CENPM: variants seen among roughly 807,000 people sequenced by gnomAD.
CENPM encodes the protein centromere protein M, also known as interphase centromere complex protein 39.
CENPM carries 14 observed loss-of-function variants against 19.6 expected under a neutral mutation model. The ratio of observed to expected loss-of-function variants is 0.71; its 90% CI spans 0.47 to 1.11. CENPM has a LOEUF of 1.11. Ranked by LOEUF, CENPM falls within the 50% of genes most tolerant of loss-of-function variation. The pLI, the probability that CENPM is intolerant of heterozygous loss-of-function variation, is 0.00. For missense variants in CENPM, 239 were observed against 228.4 expected (o/e 1.05, Z -0.30); for synonymous variants, 114 against 101.5 (o/e 1.12, Z -0.74).
At chr22:41,946,362 G>T in intron 2 of CENPM, 55 bp downstream of exon 2, 1 of 1,470,520 alleles carries the variant, frequency 6.8e-7, no homozygotes, top group East Asian at 2.3e-5. Flanking sequence ...AGCTAGGACC[G>T]AATCCCTCTG....
downstream of CENPM, among the ~76,000 whole-genome samples, chr22:41,933,797 C>T (rs1260386472): frequency 1.3e-5 from 2 of 152,198 alleles, no homozygotes; most frequent in Admixed American, 6.5e-5. Flanking sequence ...CCTTTGTGCT[C>T]GAGCCCTGCC....
chr22:41,931,502 A>AT, the CENPM span, among the ~76,000 whole-genome samples: 10 of 152,136 alleles, frequency 6.6e-5, no homozygotes, highest in East Asian at 1.9e-3. Flanking sequence ...AATAATAATA[A>AT]AATAACAAGA....
In CENPM at chr22:41,939,201, G is replaced by A. The variant is rs376708928; in HGVS notation, c.403-5C>T. On this transcript the variant is annotated splice_region_variant and splice_polypyrimidine_tract_variant and intron_variant, in intron 5 of 5. Coordinates refer to ENST00000215980, the MANE Select transcript of CENPM (RefSeq NM_024053.5). Reference sequence around the variant, plus strand: ...GGTGGCCCTAAAGCCTTCCACCTGCGGGGAGAGCAGAGAACAGCAGTGAGA... The same window carrying A: ...GGTGGCCCTAAAGCCTTCCACCTGCAGGGAGAGCAGAGAACAGCAGTGAGA... 472 of 1,607,778 alleles carry A rather than the reference G, an allele frequency of 2.9e-4. No individual in the cohort carries two copies. The highest frequency in any genetic ancestry group is 3.6e-4 in the Non-Finnish European group (429 of 1,177,704).
At chr22:41,940,749 A>C (rs968087947) in intron 5 of CENPM, among the ~76,000 whole-genome samples, 1 of 152,168 alleles carries the variant, frequency 6.6e-6, no homozygotes, top group Non-Finnish European at 1.5e-5. Flanking sequence ...TCGGTACCAC[A>C]GAAACTCAGG....
the CENPM span, among the ~76,000 whole-genome samples, chr22:41,932,945 CAG>C: frequency 6.6e-6 from 1 of 152,312 alleles, no homozygotes; most frequent in East Asian, 1.9e-4. This position sits in a 1 kb window ranked among gnomAD's most constrained non-coding sequence, Gnocchi z 4.3. Flanking sequence ...AGCAGGGAAG[CAG>C]AGAGGAAACC....
Position 41,938,764 on chromosome 22 carries a change from AC to A in CENPM, c.*291del. ...ATTTTTAAACTTTTTTTAGCCACAG[AC>A]CTTTTGTTCAAAGGAAACCTTAAAT... On this transcript the variant is annotated 3_prime_UTR_variant, in exon 6 of 6. Coordinates refer to ENST00000215980, the MANE Select transcript of CENPM (RefSeq NM_024053.5). 2.8e-6 allele frequency: 1 copy of A among 354,954 alleles called. No homozygotes were observed. Among genetic ancestry groups the A allele is most frequent in the Non-Finnish European group, 5.1e-6 (1 of 195,806 alleles). 22.0% of individuals were successfully genotyped at this position (354,954 alleles called of 1,614,324 possible). A position where few individuals can be genotyped will look rare whatever the true frequency, so the allele number is the denominator to read the frequency against.
At chr22:41,946,107 C>T (rs2077798264) in intron 2 of CENPM, 102 bp from the exon 3 acceptor site, 1 of 1,036,718 alleles carries the variant, frequency 9.6e-7, no homozygotes, top group African/African-American at 1.6e-5. Context: ...AAGGGCTCCC[C>T]ACCTCATCCT....
In CENPM at chr22:41,938,986, T is replaced by A. The variant is rs778552332; in HGVS notation, c.*70A>T. 6.4e-7 allele frequency: 1 copy of A among 1,571,960 alleles called. No individual in the cohort carries two copies. Among genetic ancestry groups the A allele is most frequent in the Non-Finnish European group, 8.7e-7 (1 of 1,155,086 alleles). On this transcript the variant is annotated 3_prime_UTR_variant, in exon 6 of 6. Transcript: ENST00000215980. ...GGGCCTGTCAAGCCCTGACTGGACA[T>A]CCTCAACAGAGAATGTTTATGGAGT... is the stretch of plus-strand genomic sequence containing the variant.
At chr22:41,929,890 G>A in the CENPM span, among the ~76,000 whole-genome samples, 1 of 151,684 alleles carries the variant, frequency 6.6e-6, no homozygotes, top group East Asian at 1.9e-4. Flanking sequence ...AGACCAATGT[G>A]GGGAATGTTA....
chr22:41,934,915 T>G (rs540141295), downstream of CENPM, among the ~76,000 whole-genome samples: 1 of 152,350 alleles, frequency 6.6e-6, no homozygotes, highest in East Asian at 1.9e-4. Context: ...TCAGCCAAAC[T>G]GTCTCCTGGA....
downstream of CENPM, among the ~76,000 whole-genome samples, chr22:41,934,346 A>G (rs1364795398): frequency 6.6e-6 from 1 of 152,210 alleles, no homozygotes; most frequent in African/African-American, 2.4e-5. Context: ...TGAGGGGGAC[A>G]AATGAGTGTG....
chr22:41,946,962 G>A, intron 1 of CENPM, 58 bp downstream of exon 1: 2 of 1,564,672 alleles, frequency 1.3e-6, no homozygotes, highest in Non-Finnish European at 1.8e-6. Context: ...TGACCTAGTG[G>A]CTGAAGCACC....
At chr22:41,937,237 T>G (rs2077687701), downstream of CENPM, among the ~76,000 whole-genome samples, 1 of 152,244 alleles carries the variant, frequency 6.6e-6, no homozygotes, top group Non-Finnish European at 1.5e-5. Context: ...CTTTTCTCAC[T>G]TCTTGCAAAC....
rs1208792148 is a variant in CENPM, at chr22:41,947,046, G to A, written c.31C>T (p.Pro11Ser). The A allele has an allele frequency of 1.2e-6, 2 of 1,612,956 alleles. No homozygotes were observed. The highest frequency in any genetic ancestry group is 1.7e-5 in the Admixed American group (1 of 60,028). ...AAGATGGTGGCCGTGTTCAGGCCGG[G>A]CAGCTTGTCCAGGGGCCTCAACACC... MSVLRPLDKL[P>S]GLNTATILLV... is the part of the protein sequence containing the mutation. Residue 11 changes from proline (P) to serine (S), a missense_variant, in exon 1 of 6, where the codon CCC (proline) becomes TCC (serine). Pro to Ser is a moderately conservative substitution (Grantham distance 74). Transcript: ENST00000215980.
chr22:41,941,887 G>A (rs910293201), intron 5 of CENPM, among the ~76,000 whole-genome samples: 2 of 152,232 alleles, frequency 1.3e-5, no homozygotes, highest in East Asian at 3.8e-4. Flanking sequence ...TGCCACATGA[G>A]ACAGTGATGA....
intron 5 of CENPM, among the ~76,000 whole-genome samples, chr22:41,942,250 G>A (rs1266982111): frequency 6.6e-6 from 1 of 152,224 alleles, no homozygotes; most frequent in African/African-American, 2.4e-5. Flanking sequence ...TAGACCCATC[G>A]CGGGGAGCAC....
In CENPM at chr22:41,942,521, C is replaced by A. The variant is rs181765709; in HGVS notation, c.402+1089G>T. Among the ~76,000 whole-genome samples the A allele has an allele frequency of 6.5e-3, 991 of 152,098 alleles. 7 individuals carry two copies. Among genetic ancestry groups the A allele is most frequent in the Non-Finnish European group, 7.6e-3 (518 of 67,984 alleles). On this transcript the variant is annotated intron_variant, in intron 5 of 5. Transcript: ENST00000215980. Reference sequence around the variant, plus strand: ...ATCCCAGCACTTTGGGAAGCCGAGGCGGGCGGATCACGAGGTCAGGAGATT... The same window carrying A: ...ATCCCAGCACTTTGGGAAGCCGAGGAGGGCGGATCACGAGGTCAGGAGATT...
At chr22:41,936,857 G>A (rs1044039544), downstream of CENPM, among the ~76,000 whole-genome samples, 2 of 152,178 alleles carry the variant, frequency 1.3e-5, no homozygotes, top group Non-Finnish European at 2.9e-5. Context: ...GAACCAGGGA[G>A]CAGAGGCTGC....
At chr22:41,945,079 T>C (rs2077782801) in intron 4 of CENPM, 146 bp downstream of exon 4, 1 of 1,522,054 alleles carries the variant, frequency 6.6e-7, no homozygotes, top group Non-Finnish European at 8.8e-7. Flanking sequence ...CTTCTCCTTC[T>C]TCCTGCCCTC....
Sources: allele counts gnomAD v4.1 joint callset (sites outside exome capture counted in the v4.1 genomes callset), GRCh38; gene constraint gnomAD v4.1.1; non-coding constraint Gnocchi (gnomAD v3.1); transcripts MANE v1.5; gene names NCBI Gene and HGNC (gene_info 2026-07-23, HGNC 2026-07-21).